ITGA2: variants seen among roughly 807,000 people sequenced by gnomAD.
ITGA2 encodes the protein integrin subunit alpha 2.
A neutral mutation model predicts 146.3 loss-of-function variants in ITGA2; 101 were observed. The observed-to-expected ratio is 0.69, with a 90% CI of 0.59 to 0.81. The LOEUF (loss-of-function observed/expected upper bound fraction) is 0.81, where lower values mean the gene tolerates loss of function less well. Ranked by LOEUF, ITGA2 falls within the 40% of genes least tolerant of loss-of-function variation. ITGA2 has a pLI of 0.00. For missense variants in ITGA2, 1,281 were observed against 1,402.7 expected (o/e 0.91, Z 1.39); for synonymous variants, 477 against 487.1 (o/e 0.98, Z 0.27).
chr5:53,021,193 C>CT (rs1464547376), intron 1 of ITGA2, among the ~76,000 whole-genome samples: 1 of 152,062 alleles, frequency 6.6e-6, no homozygotes, highest in Non-Finnish European at 1.5e-5. Context: ...GGATAAAACT[C>CT]TGTCTAGTTT....
At chr5:53,026,322 T>C (rs1028628920) in intron 1 of ITGA2, among the ~76,000 whole-genome samples, 1 of 152,188 alleles carries the variant, frequency 6.6e-6, no homozygotes, top group Admixed American at 6.5e-5. Context: ...CTTGGGTGGC[T>C]TAGAGTCTTG....
intron 8 of ITGA2, 140 bp downstream of exon 8, chr5:53,055,828 G>A: frequency 7.9e-7 from 1 of 1,269,454 alleles, no homozygotes; most frequent in Non-Finnish European, 1.1e-6. Context: ...TCTGCTTCTT[G>A]ATGATTTTCA....
rs3212415 is a variant in ITGA2 at position 53,019,065 on chromosome 5, A to AAAATAAAT, written c.65-7663_65-7656dup. Among the ~76,000 whole-genome samples the AAAATAAAT allele has an allele frequency of 5.8e-3, 870 of 151,258 alleles. 12 individuals carry two copies. Among genetic ancestry groups the AAAATAAAT allele is most frequent in the African/African-American group, 0.02 (818 of 40,948 alleles). On this transcript the variant is annotated intron_variant, in intron 1 of 29. Coordinates refer to ENST00000296585, the MANE Select transcript of ITGA2 (RefSeq NM_002203.4). ...GGTAACAGAGCGAGACTCCAGTCTC[A>AAAATAAAT]AAATAAATAAATAAATAAATAAATA...
In ITGA2 at chr5:53,048,668, G is replaced by C; in HGVS notation, c.528G>C (p.Val176=). 6.2e-7 allele frequency: 1 copy of C among 1,613,968 alleles called. No homozygotes were observed. Among genetic ancestry groups the C allele is most frequent in the South Asian group, 1.1e-5 (1 of 91,064 alleles). Residue 176 remains valine, a synonymous_variant, in exon 6 of 30, where the codon GTG becomes GTC. Transcript: ENST00000296585. ...TQPCPSLIDV[V]VVCDESNSIY... is the part of the protein sequence containing the mutation. ...CCTGCCCTTCCCTCATAGATGTTGT[G>C]GTTGTGTGTGATGAATCAAATAGTA...
Position 53,059,686 on chromosome 5 carries a change from G to A in ITGA2, c.1174-188G>A, listed in dbSNP as rs3212684. On this transcript the variant is annotated intron_variant, in intron 10 of 29. Transcript: ENST00000296585. ...ACTAAATAAAGTCCAAAATAACACA[G>A]CCAATGGGAAGGCTTGTTCTCTAGC... Among the ~76,000 whole-genome samples, 7,740 of 151,888 alleles carry A rather than the reference G, an allele frequency of 0.051. 289 individuals carry two copies. The highest frequency in any genetic ancestry group is 0.11 in the Middle Eastern group (31 of 290).
chr5:53,060,576 C>T (rs892218765), intron 11 of ITGA2, among the ~76,000 whole-genome samples: 4 of 151,946 alleles, frequency 2.6e-5, no homozygotes, highest in Non-Finnish European at 5.9e-5. Context: ...CTGTGCAACA[C>T]TACCTTTTAA....
chr5:53,075,005 C>T lies in ITGA2; in HGVS notation c.2665-56C>T, dbSNP rs555346400. On this transcript the variant is annotated intron_variant, in intron 21 of 29. Coordinates refer to ENST00000296585, the MANE Select transcript of ITGA2 (RefSeq NM_002203.4). ...TTTATGAGAAACATTTTTTTTTTCA[C>T]GTTGGCCTCTGAGTATGAAGCATCA... 49 of 1,119,180 alleles carry T rather than the reference C, an allele frequency of 4.4e-5. No individual in the cohort carries two copies. In the East Asian group the frequency reaches 6.4e-4, roughly 15 times the overall value. The allele number at this position is 1,119,180 out of a possible 1,614,324, so 69.3% of individuals were successfully genotyped here. A position where few individuals can be genotyped will look rare whatever the true frequency, so the allele number is the denominator to read the frequency against.
chr5:53,058,292 C>T (rs1218343408), intron 10 of ITGA2, among the ~76,000 whole-genome samples, 191 bp downstream of exon 10: 1 of 151,718 alleles, frequency 6.6e-6, no homozygotes, highest in Non-Finnish European at 1.5e-5. Flanking sequence ...TCTTCCCTTC[C>T]CTGTTTCACA....
chr5:53,078,897 T>C (rs1745782166), intron 24 of ITGA2, 23 bp downstream of exon 24: 1 of 1,322,192 alleles, frequency 7.6e-7, no homozygotes, highest in Non-Finnish European at 1.1e-6. Context: ...GTCATAAGGA[T>C]GGCAAATCCA....
chr5:53,093,415 G>A lies in ITGA2; in HGVS notation c.*2816G>A, dbSNP rs1740535435. On this transcript the variant is annotated 3_prime_UTR_variant, in exon 30 of 30. Transcript: ENST00000296585. ...TCAACCTGGGCGCTACTGTCATTTG[G>A]GGCCAGGTGATTCTTCCTTGCAGGG... 6.6e-6 allele frequency: 1 copy of A among 152,120 alleles called. No individual in the cohort carries two copies. Among genetic ancestry groups the A allele is most frequent in the Non-Finnish European group, 1.5e-5 (1 of 68,070 alleles). 9.4% of individuals were successfully genotyped at this position (152,120 alleles called of 1,614,324 possible).
chr5:53,090,449 C>A, intron 29 of ITGA2, 70 bp from the exon 30 acceptor site: 1 of 1,348,788 alleles, frequency 7.4e-7, no homozygotes, highest in Non-Finnish European at 1.1e-6. Flanking sequence ...ACGTGGGCAG[C>A]CAAGGGGGTC....
intron 2 of ITGA2, among the ~76,000 whole-genome samples, chr5:53,028,588 C>G (rs531078307): frequency 3.0e-4 from 45 of 152,310 alleles, no homozygotes; most frequent in African/African-American, 1.1e-3. Flanking sequence ...TAATGACCCA[C>G]AGTTTTAAAT....
chr5:53,090,139 A>G, intron 29 of ITGA2, 77 bp downstream of exon 29: 2 of 872,416 alleles, frequency 2.3e-6, no homozygotes, highest in Admixed American at 1.7e-5. Flanking sequence ...CATCAACTTC[A>G]GGTTTTATAT....
chr5:53,067,340 G>A (rs970851643), intron 16 of ITGA2, 83 bp downstream of exon 16: 3 of 1,493,374 alleles, frequency 2.0e-6, no homozygotes, highest in Non-Finnish European at 1.9e-6. Flanking sequence ...TTGGTTTGTA[G>A]GCCAAGAGAA....
rs367831030 is a variant in ITGA2, at chr5:53,064,913, G to T, written c.1604G>T (p.Gly535Val). The T allele has an allele frequency of 6.2e-7, 1 of 1,612,448 alleles. No individual in the cohort carries two copies. Among genetic ancestry groups the T allele is most frequent in the Non-Finnish European group, 8.5e-7 (1 of 1,178,920 alleles). Residue 535 changes from glycine (G) to valine (V), a missense_variant and splice_region_variant, in exon 14 of 30, where the codon GGC becomes GTC. Physicochemically the swap from Gly to Val is moderately radical, Grantham distance 109. Around this residue, in one of 3 missense-constraint regions of ITGA2, gnomAD observed 795 missense variants for 841.7 expected, o/e 0.94. Coordinates refer to ENST00000296585, the MANE Select transcript of ITGA2 (RefSeq NM_002203.4). ...GRVYLFTIKE[G>V]ILGQHQFLEG... ...ATCCTTTTGTTTCCCCTTTGCAAGG[G>T]CATTTTGGGTCAGCACCAATTTCTT...
At chr5:53,053,922 GAC>G (rs1744507846) in intron 7 of ITGA2, among the ~76,000 whole-genome samples, 1 of 152,196 alleles carries the variant, frequency 6.6e-6, no homozygotes, top group Admixed American at 6.5e-5. Flanking sequence ...AACTAAATGA[GAC>G]ACAGTTTCTG....
intron 3 of ITGA2, among the ~76,000 whole-genome samples, 179 bp from the exon 4 acceptor site, chr5:53,044,822 G>C (rs192874264): frequency 6.6e-6 from 1 of 152,220 alleles, no homozygotes; most frequent in African/African-American, 2.4e-5. Context: ...ATTAATGTGC[G>C]TTACCAGATC....
At chr5:53,073,092 T>C (rs984966) in intron 19 of ITGA2, 26 bp from the exon 20 acceptor site, 27 of 1,608,318 alleles carry the variant, frequency 1.7e-5, no homozygotes, top group African/African-American at 9.4e-5. Context: ...TAATGGCTTT[T>C]CCCCCCTCCT....
intron 2 of ITGA2, among the ~76,000 whole-genome samples, chr5:53,029,929 A>G (rs910873879): frequency 6.6e-6 from 1 of 152,250 alleles, no homozygotes; most frequent in African/African-American, 2.4e-5. Flanking sequence ...GTTCATAGAC[A>G]TGGCCTAGCT....
Sources: allele counts gnomAD v4.1 joint callset (sites outside exome capture counted in the v4.1 genomes callset), GRCh38; gene constraint gnomAD v4.1.1; regional missense constraint gnomAD v4.1.1; transcripts MANE v1.5; gene names NCBI Gene and HGNC (gene_info 2026-07-23, HGNC 2026-07-21).